The following ZNF503 variants were observed in gnomAD, a reference collection of about 807,000 sequenced individuals.
ZNF503 encodes the protein NocA-like zinc finger 2.
Under a neutral mutation model 34.4 loss-of-function variants are expected in ZNF503, and 15 were observed. The ratio of observed to expected loss-of-function variants is 0.44; its 90% CI spans 0.29 to 0.67. The LOEUF (loss-of-function observed/expected upper bound fraction) is 0.67. Among genes scored for constraint, ZNF503 ranks in the 30% least tolerant of loss-of-function variants. The pLI, the probability that ZNF503 is intolerant of heterozygous loss-of-function variation, is 0.13. For missense variants in ZNF503, 1,007 were observed against 926.8 expected, an observed-to-expected ratio of 1.09 and a Z score of -1.12; for synonymous variants, 580 against 456.8, an observed-to-expected ratio of 1.27 and a Z score of -3.44.
chr10:75,333,497 C>T, the ZNF503 span, among the ~76,000 whole-genome samples: 3 of 50,936 alleles, frequency 5.9e-5, no homozygotes, highest in African/African-American at 8.8e-5. Context: ...GGTGGCTGGC[C>T]GGGCTGAGGG....
At chr10:75,368,733 A>G in the ZNF503 span, among the ~76,000 whole-genome samples, 2 of 152,252 alleles carry the variant, frequency 1.3e-5, no homozygotes, top group Non-Finnish European at 2.9e-5. Context: ...TGGCAAAGCC[A>G]ACTCTCTGGG....
the ZNF503 span, among the ~76,000 whole-genome samples, chr10:75,346,595 A>G: frequency 6.6e-6 from 1 of 151,344 alleles, no homozygotes; most frequent in Admixed American, 6.6e-5. Flanking sequence ...ATGTGCCACC[A>G]TGCCCAGCTA....
At chr10:75,400,925 A>C (rs1285163843) in intron 1 of ZNF503, 180 bp downstream of exon 1, 2 of 918,570 alleles carry the variant, frequency 2.2e-6, no homozygotes, top group South Asian at 3.3e-5. Flanking sequence ...TGCACGCCCC[A>C]TTCCACTTCC....
chr10:75,385,704 A>T, the ZNF503 span, among the ~76,000 whole-genome samples: 1 of 152,224 alleles, frequency 6.6e-6, no homozygotes, highest in African/African-American at 2.4e-5. Context: ...CTCCAACCAC[A>T]GTCGAGGAAG....
the ZNF503 span, among the ~76,000 whole-genome samples, chr10:75,372,686 G>C: frequency 1.3e-5 from 2 of 152,170 alleles, no homozygotes; most frequent in African/African-American, 2.4e-5. Flanking sequence ...GGTGTTTTCA[G>C]AGTTGACTGC....
the ZNF503 span, among the ~76,000 whole-genome samples, chr10:75,368,583 G>A: frequency 1.1e-4 from 16 of 152,166 alleles, no homozygotes; most frequent in Non-Finnish European, 1.8e-4. Context: ...TAAAGAAAAA[G>A]CAGACCACCT....
At chr10:75,395,532 G>C (rs1208072482), downstream of ZNF503, among the ~76,000 whole-genome samples, 4 of 152,090 alleles carry the variant, frequency 2.6e-5, no homozygotes, top group Non-Finnish European at 5.9e-5. The surrounding 1 kb of genome is among the most constrained non-coding windows in gnomAD (Gnocchi z 4.4). Context: ...CCAGCCGCCA[G>C]CCGGCGCGCC....
chr10:75,303,113 T>C, the ZNF503 span, among the ~76,000 whole-genome samples: 2 of 152,192 alleles, frequency 1.3e-5, no homozygotes, highest in African/African-American at 4.8e-5. Context: ...TTCTGTTACT[T>C]ACTAAACACC....
At chr10:75,385,022 G>A in the ZNF503 span, among the ~76,000 whole-genome samples, 14 of 152,278 alleles carry the variant, frequency 9.2e-5, no homozygotes, top group East Asian at 2.5e-3. Flanking sequence ...CACCCTTCTC[G>A]AGATGGAGAT....
At chr10:75,358,051 G>A in the ZNF503 span, among the ~76,000 whole-genome samples, 2 of 152,010 alleles carry the variant, frequency 1.3e-5, no homozygotes, top group Admixed American at 6.6e-5. Context: ...ATATTTTGCC[G>A]TGGGCCACTC....
chr10:75,368,722 C>A, the ZNF503 span, among the ~76,000 whole-genome samples: 6 of 152,198 alleles, frequency 3.9e-5, no homozygotes, highest in Non-Finnish European at 8.8e-5. Context: ...AATGGATGAC[C>A]TGGCAAAGCC....
chr10:75,346,149 A>C, the ZNF503 span, among the ~76,000 whole-genome samples: 2 of 152,136 alleles, frequency 1.3e-5, no homozygotes, highest in Non-Finnish European at 2.9e-5. Context: ...TGAGAGGTAG[A>C]GGTAATATAG....
chr10:75,318,658 G>C, the ZNF503 span, among the ~76,000 whole-genome samples: 1 of 105,866 alleles, frequency 9.4e-6, no homozygotes. Flanking sequence ...GACACAGCAA[G>C]ATCCTGTCTC....
At chr10:75,348,806 C>G in the ZNF503 span, among the ~76,000 whole-genome samples, 2 of 152,216 alleles carry the variant, frequency 1.3e-5, no homozygotes, top group Non-Finnish European at 2.9e-5. Context: ...GCCACCGCAC[C>G]CGGCCGCCCC....
chr10:75,324,069 C>CAAAT, the ZNF503 span, among the ~76,000 whole-genome samples: 3 of 149,194 alleles, frequency 2.0e-5, no homozygotes, highest in Admixed American at 2.0e-4. Flanking sequence ...ATTTTATATG[C>CAAAT]GTTTGTCAGA....
downstream of ZNF503, among the ~76,000 whole-genome samples, chr10:75,394,478 A>G (rs12257078): frequency 0.11 from 16,503 of 152,258 alleles, 2,823 homozygotes; most frequent in African/African-American, 0.37. Context: ...ACAGGGGATA[A>G]GTCCCACCTT....
chr10:75,324,885 G>A, the ZNF503 span, among the ~76,000 whole-genome samples: 1 of 152,006 alleles, frequency 6.6e-6, no homozygotes, highest in Non-Finnish European at 1.5e-5. Context: ...CTTTCACTTA[G>A]CATAATATTT....
upstream of ZNF503, chr10:75,401,771 G>C: frequency 3.1e-6 from 1 of 320,302 alleles, no homozygotes; most frequent in Non-Finnish European, 5.7e-6. Flanking sequence ...CTCTGGCGAG[G>C]AAACTCACTT....
chr10:75,302,513 T>C, the ZNF503 span, among the ~76,000 whole-genome samples: 1 of 152,238 alleles, frequency 6.6e-6, no homozygotes, highest in Non-Finnish European at 1.5e-5. Flanking sequence ...AATATTTCTT[T>C]ACATCTCCTC....
Sources: gnomAD v4.1 joint callset for allele counts (sites outside exome capture counted in the v4.1 genomes callset) on GRCh38, gnomAD v4.1.1 for gene constraint, Gnocchi (gnomAD v3.1) non-coding constraint, MANE v1.5 for transcripts, NCBI Gene and HGNC (gene_info 2026-07-23, HGNC 2026-07-21) for gene names.